The following PARP16 variants were observed in gnomAD, a reference collection of about 807,000 sequenced individuals.
PARP16 encodes protein mono-ADP-ribosyltransferase PARP16.
A neutral mutation model predicts 35.0 loss-of-function variants in PARP16; 31 were observed. The ratio of observed to expected loss-of-function variants is 0.88; its 90% CI spans 0.66 to 1.19. The LOEUF is 1.19. Among genes scored for constraint, PARP16 ranks in the 50% most tolerant of loss-of-function variants. The probability of loss-of-function intolerance (pLI) is 0.00; values close to 1 mark genes in which losing one functional copy is unlikely to be tolerated. For missense variants in PARP16, 424 were observed against 411.2 expected, an observed-to-expected ratio of 1.03 and a Z score of -0.27; for synonymous variants, 162 against 169.5, an observed-to-expected ratio of 0.96 and a Z score of 0.34.
At chr15:65,257,341 C>T (rs532671767), downstream of PARP16, among the ~76,000 whole-genome samples, 3 of 152,054 alleles carry the variant, frequency 2.0e-5, no homozygotes, top group East Asian at 1.9e-4. Flanking sequence ...TGCTTGTACC[C>T]GGGAGGCAGA....
intron 1 of PARP16, among the ~76,000 whole-genome samples, chr15:65,284,246 T>G (rs2090508825): frequency 6.6e-6 from 1 of 152,104 alleles, no homozygotes; most frequent in African/African-American, 2.4e-5. Context: ...GGAATTACCC[T>G]TTTTTATACA....
intron 1 of PARP16, among the ~76,000 whole-genome samples, chr15:65,275,889 C>A (rs975213475): frequency 7.9e-5 from 12 of 152,162 alleles, no homozygotes; most frequent in African/African-American, 2.9e-4. Flanking sequence ...ACTACTATTC[C>A]CATCACTCGT....
At chr15:65,249,874 T>G (rs888154938) in intron 2 of PARP16, among the ~76,000 whole-genome samples, 16 of 152,190 alleles carry the variant, frequency 1.1e-4, no homozygotes, top group African/African-American at 3.9e-4. Context: ...TTACAGGAGA[T>G]GAGCTCAGAG....
chr15:65,270,873 T>G, intron 2 of PARP16, 62 bp downstream of exon 2: 1 of 1,538,188 alleles, frequency 6.5e-7, no homozygotes, highest in Non-Finnish European at 9.0e-7. Flanking sequence ...GCCACTGGAT[T>G]CAGTGCTGTC....
At chr15:65,235,610 C>T (rs1450516951) in intron 3 of PARP16, among the ~76,000 whole-genome samples, 2 of 145,816 alleles carry the variant, frequency 1.4e-5, no homozygotes, top group Non-Finnish European at 3.0e-5. Context: ...CAACACCAGC[C>T]CAGGCAATAT....
rs552395617 is a variant in PARP16, at chr15:65,259,265, C to T, written c.*142G>A. The T allele has an allele frequency of 1.3e-5, 10 of 749,452 alleles. No individual in the cohort carries two copies. The South Asian group carries it at 1.6e-4, about 12-fold the overall frequency. The allele number at this position is 749,452 out of a possible 1,614,324, so 46.4% of individuals were successfully genotyped here. A position where few individuals can be genotyped will look rare whatever the true frequency, so the allele number is the denominator to read the frequency against. On this transcript the variant is annotated 3_prime_UTR_variant, in exon 6 of 6. Coordinates refer to ENST00000649807, the MANE Select transcript of PARP16 (RefSeq NM_001316943.2). ...GGAACATCATCAAAGGCAATGGATA[C>T]ATTTAGGCCATATGAAAATTGTCCT...
At position 65,274,369 on chromosome 15, in the gene PARP16, G is replaced by A. The variant is rs2090185934; in HGVS notation, c.175-3297C>T. Among the ~76,000 whole-genome samples the A allele has an allele frequency of 2.0e-5, 3 of 151,672 alleles. No homozygotes were observed. In the South Asian group the frequency reaches 6.2e-4, roughly 32 times the overall value. On this transcript the variant is annotated intron_variant, in intron 1 of 5. Coordinates refer to ENST00000649807, the MANE Select transcript of PARP16 (RefSeq NM_001316943.2). ...TCAGTTCAGGTGCTCAACACCAGCA[G>A]GGGCAACATGGCGAAACCGCATCTC... is the stretch of plus-strand genomic sequence containing the variant.
chr15:65,233,743 A>T (rs10851746), downstream of PARP16, among the ~76,000 whole-genome samples: 34,867 of 138,622 alleles, frequency 0.25, 4,360 homozygotes, highest in Admixed American at 0.33. Flanking sequence ...CACAAAAATT[A>T]AAAAAAAAAA....
chr15:65,266,449 G>A, intron 3 of PARP16, 113 bp downstream of exon 3: 1 of 829,578 alleles, frequency 1.2e-6, no homozygotes, highest in Admixed American at 2.1e-5. Context: ...GAAGGCGTTA[G>A]TAAACCTACC....
At position 65,235,301 on chromosome 15, in the gene PARP16, C is replaced by T. The variant is rs146073773; in HGVS notation, c.*98-478G>A. Among the ~76,000 whole-genome samples, 346 of 151,076 alleles carry T rather than the reference C, an allele frequency of 2.3e-3. 2 individuals are homozygous for T. The highest frequency in any genetic ancestry group is 7.4e-3 in the African/African-American group (305 of 41,114). On this transcript the variant is annotated intron_variant and NMD_transcript_variant, in intron 3 of 3. Transcript: ENST00000559805. ...CAGCCTGGGCGACAGAAAGAGACTC[C>T]GTCCCCCCCAAAAAAAATTAATAAA... is the stretch of plus-strand genomic sequence containing the variant.
intron 2 of PARP16, among the ~76,000 whole-genome samples, chr15:65,248,730 G>T (rs1276955294): frequency 6.6e-6 from 1 of 152,160 alleles, no homozygotes; most frequent in East Asian, 1.9e-4. Context: ...TCCCCCTCCT[G>T]TCTGCGGCCA....
downstream of PARP16, among the ~76,000 whole-genome samples, chr15:65,232,471 C>T (rs2088789351): frequency 6.6e-6 from 1 of 152,160 alleles, no homozygotes; most frequent in South Asian, 2.1e-4. Flanking sequence ...CAACATTGTG[C>T]TTATAGTTAA....
intron 2 of PARP16, among the ~76,000 whole-genome samples, chr15:65,249,974 C>A (rs2089311125): frequency 6.6e-6 from 1 of 152,178 alleles, no homozygotes; most frequent in African/African-American, 2.4e-5. Flanking sequence ...GCAGAGCTCA[C>A]AACCCCAGTC....
intron 3 of PARP16, among the ~76,000 whole-genome samples, chr15:65,240,313 G>GTGTGTGTGTGTGTGT (rs36061056): frequency 2.2e-5 from 2 of 92,462 alleles, no homozygotes; most frequent in African/African-American, 7.5e-5. Context: ...TGTGTGTGGT[G>GTGTGTGTGTGTGTGT]GGGGGGGCTA....
At position 65,286,494 on chromosome 15, in the gene PARP16, C is replaced by CG; in HGVS notation, c.-69dup. Reference sequence around the variant, plus strand: ...GGCAAGGGCGAGCGTGCGTTCAGCGCGGGGGCTGGGCCCGCGGACAATGGG... The same window carrying CG: ...GGCAAGGGCGAGCGTGCGTTCAGCGCGGGGGGCTGGGCCCGCGGACAATGGG... On this transcript the variant is annotated 5_prime_UTR_variant, in exon 1 of 6. Transcript: ENST00000649807. 1 of 1,260,962 alleles carries CG rather than the reference C, an allele frequency of 7.9e-7. No homozygotes were observed. The highest frequency in any genetic ancestry group is 1.0e-6 in the Non-Finnish European group (1 of 964,482). The allele number at this position is 1,260,962 out of a possible 1,614,324, so 78.1% of individuals were successfully genotyped here. A position where few individuals can be genotyped will look rare whatever the true frequency, so the allele number is the denominator to read the frequency against.
chr15:65,235,871 T>G (rs1457766866), intron 3 of PARP16, among the ~76,000 whole-genome samples: 13 of 147,894 alleles, frequency 8.8e-5, no homozygotes, highest in Non-Finnish European at 2.0e-4. Flanking sequence ...GTTTTTTTTT[T>G]TTTTTTTTTG....
At chr15:65,261,117 T>A (rs2140844449) in intron 4 of PARP16, 91 bp from the exon 5 acceptor site, 1 of 1,270,888 alleles carries the variant, frequency 7.9e-7, no homozygotes, top group East Asian at 2.4e-5. Context: ...CTCCTGGTGC[T>A]GAGGGGGAAG....
intron 1 of PARP16, among the ~76,000 whole-genome samples, chr15:65,272,536 C>T (rs1210711798): frequency 6.6e-6 from 1 of 152,176 alleles, no homozygotes; most frequent in African/African-American, 2.4e-5. Context: ...TGGTTCTATT[C>T]AGGAGCATGT....
At chr15:65,266,300 CCAGTG>C (rs569590713) in intron 3 of PARP16, among the ~76,000 whole-genome samples, 137 of 152,312 alleles carry the variant, frequency 9.0e-4, no homozygotes, top group African/African-American at 3.2e-3. Context: ...CAAACTATAA[CCAGTG>C]CAGGAATCAC....
Sources: allele counts gnomAD v4.1 joint callset (sites outside exome capture counted in the v4.1 genomes callset), GRCh38; gene constraint gnomAD v4.1.1; transcripts MANE v1.5; gene names NCBI Gene and HGNC (gene_info 2026-07-23, HGNC 2026-07-21).